Variants in MARCHF1 observed in about 807,000 individuals in gnomAD.
MARCHF1 encodes the protein membrane associated ring-CH-type finger 1.
A neutral mutation model predicts 54.2 loss-of-function variants in MARCHF1; 40 were observed. The ratio of observed to expected loss-of-function variants is 0.74; its 90% confidence interval spans 0.57 to 0.96. MARCHF1 has a LOEUF of 0.96. Ranked by LOEUF, MARCHF1 falls within the 40% of genes least tolerant of loss-of-function variation. MARCHF1 has a pLI of 0.00. For missense variants in MARCHF1, 586 were observed against 656.5 expected (o/e 0.89, Z 1.17); for synonymous variants, 236 against 236.3 (o/e 1.00, Z 0.01).
At chr4:163,747,915 A>C (rs12512360) in intron 4 of MARCHF1, among the ~76,000 whole-genome samples, 38,977 of 152,012 alleles carry the variant, frequency 0.26, 6,056 homozygotes, top group Non-Finnish European at 0.35. Context: ...TGACTGTCTG[A>C]CTCTAGTGGC....
chr4:164,347,452 T>C (rs554989637), intron 1 of MARCHF1, among the ~76,000 whole-genome samples: 1 of 152,310 alleles, frequency 6.6e-6, no homozygotes, highest in African/African-American at 2.4e-5. Context: ...GCCAAGGGGC[T>C]TGACATACCC....
chr4:163,822,462 T>A (rs534960206), intron 4 of MARCHF1, among the ~76,000 whole-genome samples: 1 of 152,072 alleles, frequency 6.6e-6, no homozygotes, highest in Admixed American at 6.6e-5. Flanking sequence ...GAGAATATAA[T>A]AAAATGTGAC....
chr4:164,246,038 C>T (rs1379366161), intron 1 of MARCHF1, among the ~76,000 whole-genome samples: 71 of 39,028 alleles, frequency 1.8e-3, no homozygotes, highest in East Asian at 3.3e-3. Context: ...AGGTAATTTA[C>T]AGATTCAATG....
intron 1 of MARCHF1, among the ~76,000 whole-genome samples, chr4:164,344,540 A>G (rs1007823932): frequency 6.6e-6 from 1 of 151,894 alleles, no homozygotes; most frequent in Non-Finnish European, 1.5e-5. Flanking sequence ...TGCACTGATA[A>G]AATTTGATTT....
chr4:163,966,992 AAAG>A (rs1752455012), intron 3 of MARCHF1, among the ~76,000 whole-genome samples: 1 of 152,106 alleles, frequency 6.6e-6, no homozygotes, highest in East Asian at 1.9e-4. Flanking sequence ...ACCAAACACC[AAAG>A]AACAGGAGAA....
At chr4:163,597,403 CTT>C (rs1560964727) in intron 7 of MARCHF1, among the ~76,000 whole-genome samples, 1 of 152,174 alleles carries the variant, frequency 6.6e-6, no homozygotes, top group Non-Finnish European at 1.5e-5. Context: ...ACCACTAAGA[CTT>C]TTTTCTGATA....
intron 2 of MARCHF1, among the ~76,000 whole-genome samples, chr4:164,044,478 T>C (rs927349958): frequency 2.0e-5 from 3 of 152,104 alleles, no homozygotes; most frequent in Admixed American, 6.6e-5. Flanking sequence ...AAGGGGGAAG[T>C]CTGCCCCATA....
chr4:164,034,009 G>A (rs1753937837), intron 2 of MARCHF1, among the ~76,000 whole-genome samples: 1 of 151,756 alleles, frequency 6.6e-6, no homozygotes, highest in Non-Finnish European at 1.5e-5. Flanking sequence ...CAATAGCAAA[G>A]GCATGGAACC....
At chr4:163,972,853 G>T (rs992129333) in intron 3 of MARCHF1, among the ~76,000 whole-genome samples, 1 of 151,908 alleles carries the variant, frequency 6.6e-6, no homozygotes, top group Non-Finnish European at 1.5e-5. Context: ...CACCGCGCCC[G>T]GCCTTAATGT....
At chr4:163,763,473 A>G (rs935477563) in intron 4 of MARCHF1, among the ~76,000 whole-genome samples, 2 of 152,024 alleles carry the variant, frequency 1.3e-5, no homozygotes, top group African/African-American at 4.8e-5. Context: ...TCTCATGCAA[A>G]ATTGTCTGTT....
chr4:163,810,297 A>G (rs1317141117), intron 4 of MARCHF1, among the ~76,000 whole-genome samples: 2 of 152,244 alleles, frequency 1.3e-5, no homozygotes, highest in African/African-American at 4.8e-5. Flanking sequence ...TGTTTTCCAC[A>G]ATCTGTAACT....
chr4:163,992,031 G>A (rs982583747), intron 2 of MARCHF1, among the ~76,000 whole-genome samples: 17 of 128,570 alleles, frequency 1.3e-4, no homozygotes, highest in African/African-American at 5.5e-4. Flanking sequence ...ATCTCTGGTA[G>A]CATAAGACCA....
intron 7 of MARCHF1, 112 bp downstream of exon 7, chr4:163,612,159 G>T: frequency 1.1e-6 from 1 of 938,484 alleles, no homozygotes; most frequent in Non-Finnish European, 1.5e-6. Context: ...ATCAGAAAAA[G>T]AACAATGTAA....
At chr4:163,775,726 T>C (rs1351532264) in intron 4 of MARCHF1, among the ~76,000 whole-genome samples, 4 of 152,088 alleles carry the variant, frequency 2.6e-5, no homozygotes, top group Admixed American at 1.3e-4. Flanking sequence ...TAGTTTTGGA[T>C]GAAGAATGTT....
At chr4:163,789,376 C>G (rs1261802474) in intron 4 of MARCHF1, among the ~76,000 whole-genome samples, 1 of 151,800 alleles carries the variant, frequency 6.6e-6, no homozygotes, top group Non-Finnish European at 1.5e-5. Context: ...AGGAGAGGAT[C>G]AGGAAAAATA....
intron 3 of MARCHF1, among the ~76,000 whole-genome samples, chr4:163,964,931 T>A (rs1030368366): frequency 6.6e-6 from 1 of 152,014 alleles, no homozygotes; most frequent in African/African-American, 2.4e-5. Context: ...AAATAAATAG[T>A]TGGTATCTAA....
chr4:163,665,381 A>G (rs1033687812), intron 5 of MARCHF1, among the ~76,000 whole-genome samples: 3 of 152,142 alleles, frequency 2.0e-5, no homozygotes, highest in African/African-American at 7.2e-5. Flanking sequence ...GCTATGGCCT[A>G]CAAGTTCAGA....
intron 5 of MARCHF1, among the ~76,000 whole-genome samples, chr4:163,627,691 C>A (rs1201844770): frequency 6.6e-6 from 1 of 151,710 alleles, no homozygotes; most frequent in East Asian, 1.9e-4. Context: ...AAAAAAAAAC[C>A]CTAAAAATTT....
intron 1 of MARCHF1, among the ~76,000 whole-genome samples, chr4:164,272,454 G>T (rs2111311621): frequency 6.6e-6 from 1 of 152,126 alleles, no homozygotes; most frequent in South Asian, 2.1e-4. Flanking sequence ...AACTATTACT[G>T]TACATATGAA....
Sources: allele counts gnomAD v4.1 joint callset (sites outside exome capture counted in the v4.1 genomes callset), GRCh38; gene constraint gnomAD v4.1.1; transcripts MANE v1.5; gene names NCBI Gene and HGNC (gene_info 2026-07-23, HGNC 2026-07-21).